Variants in SREBF2 observed in about 807,000 individuals in gnomAD.
The protein encoded by SREBF2 is sterol regulatory element binding transcription factor 2.
A neutral mutation model predicts 113.1 loss-of-function variants in SREBF2; 55 were observed. The observed-to-expected ratio is 0.49, with a 90% CI of 0.39 to 0.61. The LOEUF is 0.61. Ranked by LOEUF, SREBF2 falls within the 20% of genes least tolerant of loss-of-function variation. The pLI, the probability that SREBF2 is intolerant of heterozygous loss-of-function variation, is 0.00. For missense variants in SREBF2, 1,349 were observed against 1,487.4 expected, an observed-to-expected ratio of 0.91 and a Z score of 1.53; for synonymous variants, 593 against 605.7, an observed-to-expected ratio of 0.98 and a Z score of 0.31.
intron 1 of SREBF2, among the ~76,000 whole-genome samples, chr22:41,841,064 A>C (rs2076826269): frequency 6.6e-6 from 1 of 152,164 alleles, no homozygotes. Context: ...AAAGCACCTC[A>C]AGTTCAGTCT....
intron 1 of SREBF2, among the ~76,000 whole-genome samples, chr22:41,840,453 TC>T (rs2076818967): frequency 6.6e-6 from 1 of 152,178 alleles, no homozygotes; most frequent in Admixed American, 6.5e-5. Context: ...CTTTCCCAGT[TC>T]TTGATTTTTA....
At chr22:41,861,853 G>A (rs987208228) in intron 1 of SREBF2, among the ~76,000 whole-genome samples, 2 of 152,014 alleles carry the variant, frequency 1.3e-5, no homozygotes, top group African/African-American at 2.4e-5. Context: ...AACCCAGGAG[G>A]TGGAGGTTGC....
intron 1 of SREBF2, among the ~76,000 whole-genome samples, chr22:41,863,382 G>A (rs1447793511): frequency 6.6e-6 from 1 of 152,334 alleles, no homozygotes; most frequent in Non-Finnish European, 1.5e-5. Context: ...CGGCCAGTGT[G>A]TGATATTCTT....
intron 1 of SREBF2, among the ~76,000 whole-genome samples, chr22:41,861,995 T>C (rs946177932): frequency 6.6e-6 from 1 of 152,154 alleles, no homozygotes; most frequent in African/African-American, 2.4e-5. Flanking sequence ...ATAAATGACC[T>C]TTGTAAACTA....
chr22:41,891,549 A>ACT (rs2077363150), intron 11 of SREBF2: 1 of 152,174 alleles, frequency 6.6e-6, no homozygotes, highest in African/African-American at 2.4e-5. Flanking sequence ...CTCGAGTGGC[A>ACT]CTCTGACAGT....
intron 17 of SREBF2, among the ~76,000 whole-genome samples, chr22:41,903,680 T>C (rs1185725228): frequency 1.3e-5 from 2 of 152,256 alleles, no homozygotes; most frequent in Non-Finnish European, 2.9e-5. Context: ...TTATTTGTAT[T>C]GCTATATAAT....
At chr22:41,884,222 G>A (rs763777782) in intron 10 of SREBF2, among the ~76,000 whole-genome samples, 1 of 152,106 alleles carries the variant, frequency 6.6e-6, no homozygotes, top group African/African-American at 2.4e-5. Flanking sequence ...TGCAACCTCC[G>A]CATCGCAGGC....
At chr22:41,868,841 TG>T in intron 3 of SREBF2, 49 bp downstream of exon 3, 1 of 1,560,816 alleles carries the variant, frequency 6.4e-7, no homozygotes, top group Non-Finnish European at 8.7e-7. Context: ...GGCTGTTAAC[TG>T]GTCCTTGGTT....
intron 1 of SREBF2, among the ~76,000 whole-genome samples, chr22:41,864,104 C>T (rs1341010820): frequency 6.7e-6 from 1 of 149,874 alleles, no homozygotes; most frequent in Admixed American, 6.7e-5. Context: ...GTCTCGAACT[C>T]CTGACTTCAG....
At position 41,893,225 on chromosome 22, in the gene SREBF2, C is replaced by A; in HGVS notation, c.2317C>A (p.Arg773=). ...CCTGGGCCAGAAGTTTTTCATGGAG[C>A]GGAGCTGGTCTGTGAAGTCAGCTGC... ...HPLGQKFFME[R]SWSVKSAAKE... is the part of the protein sequence containing the mutation. Residue 773 remains arginine (R), a synonymous_variant, in exon 12 of 19, where the codon CGG becomes AGG. Coordinates refer to ENST00000361204, the MANE Select transcript of SREBF2 (RefSeq NM_004599.4). The A allele has an allele frequency of 6.2e-7, 1 of 1,614,148 alleles. No homozygotes were observed.
At position 41,891,595 on chromosome 22, in the gene SREBF2, C is replaced by A. The variant is rs560946754; in HGVS notation, c.2209-1522C>A. On this transcript the variant is annotated intron_variant, in intron 11 of 18. Coordinates refer to ENST00000361204, the MANE Select transcript of SREBF2 (RefSeq NM_004599.4). ...ACCCTGGCATTCAAGTCTTCTGAAG[C>A]CGTTACATTCGCTGATGGCTACTTA... Among the ~76,000 whole-genome samples the A allele has an allele frequency of 1.5e-4, 23 of 152,306 alleles. No homozygotes were observed. The South Asian group carries it at 2.1e-3, about 14-fold the overall frequency.
rs2076738371 is a variant in SREBF2 at position 41,833,626 on chromosome 22, G to C, written c.88+268G>C. The C allele has an allele frequency of 8.0e-6, 3 of 375,508 alleles. No individual in the cohort carries two copies. Among genetic ancestry groups the C allele is most frequent in the African/African-American group, 2.1e-5 (1 of 46,884 alleles). 23.3% of individuals were successfully genotyped at this position (375,508 alleles called of 1,614,324 possible). A position where few individuals can be genotyped will look rare whatever the true frequency, so the allele number is the denominator to read the frequency against. On this transcript the variant is annotated intron_variant, in intron 1 of 18. Coordinates refer to ENST00000361204, the MANE Select transcript of SREBF2 (RefSeq NM_004599.4). This position sits in a 1 kb window ranked among gnomAD's most constrained non-coding sequence, Gnocchi z 4.1. ...TCGCGGGTTCCAGAGCGCGGGGCTAGGGACGTCGCGGGGGCGTCTCAGGGA... is the reference window on the plus strand; with the variant it reads ...TCGCGGGTTCCAGAGCGCGGGGCTACGGACGTCGCGGGGGCGTCTCAGGGA...
In SREBF2 at chr22:41,905,657, C is replaced by T. The variant is rs770578220; in HGVS notation, c.3423C>T (p.Ser1141=). Residue 1141 remains serine (S), a synonymous_variant, in exon 19 of 19, where the codon TCC becomes TCT. Transcript: ENST00000361204. ...GTGGTGGCACTGCCATTGCCGCCTCCTGACCACCAGGCTCAGCCCACCCCT... is the reference window on the plus strand; with the variant it reads ...GTGGTGGCACTGCCATTGCCGCCTCTTGACCACCAGGCTCAGCCCACCCCT... ...KLGGGTAIAA[S] is the part of the protein sequence containing the mutation. 3 of 1,578,316 alleles carry T rather than the reference C, an allele frequency of 1.9e-6. No homozygotes were observed. The highest frequency in any genetic ancestry group is 2.3e-5 in the South Asian group (2 of 86,122).
At chr22:41,894,671 GTT>G in intron 12 of SREBF2, 147 bp from the exon 13 acceptor site, 1 of 782,922 alleles carries the variant, frequency 1.3e-6, no homozygotes, top group South Asian at 1.4e-5. Context: ...TCCTCCAACT[GTT>G]TAGCACAGTA....
chr22:41,900,122 G>A, intron 15 of SREBF2: 1 of 1,457,762 alleles, frequency 6.9e-7, no homozygotes, highest in Middle Eastern at 2.5e-4. Flanking sequence ...ATTGAATGAA[G>A]GTGCTAAAGG....
Position 41,893,132 on chromosome 22 carries a change from C to G in SREBF2, c.2224C>G (p.Arg742Gly), listed in dbSNP as rs780812999. 2 of 1,613,784 alleles carry G rather than the reference C, an allele frequency of 1.2e-6. No individual in the cohort carries two copies. The highest frequency in any genetic ancestry group is 2.2e-5 in the South Asian group (2 of 91,060). ...LGFLASYFLS[R>G]AQSLCGPEHS... Reference sequence around the variant, plus strand: ...CCTTCCACAGAGCTACTTCCTCAGCCGAGCCCAGAGCCTGTGTGGCCCCGA... The same window carrying G: ...CCTTCCACAGAGCTACTTCCTCAGCGGAGCCCAGAGCCTGTGTGGCCCCGA... Residue 742 changes from arginine to glycine, a missense_variant, in exon 12 of 19, where the codon CGA becomes GGA. Coordinates refer to ENST00000361204, the MANE Select transcript of SREBF2 (RefSeq NM_004599.4).
chr22:41,868,931 GA>G lies in SREBF2; in HGVS notation c.720+140del, dbSNP rs2077113411. ...TTGTAGGGCGCCAGGATGCACCTGTGAGCAGCGTATAGTGACCTGGCTGAGT... is the reference window on the plus strand; with the variant it reads ...TTGTAGGGCGCCAGGATGCACCTGTGGCAGCGTATAGTGACCTGGCTGAGT... On this transcript the variant is annotated intron_variant, in intron 3 of 18. Transcript: ENST00000361204. The G allele has an allele frequency of 2.7e-6, 3 of 1,096,458 alleles. No homozygotes were observed. The African/African-American group carries it at 4.7e-5, about 17-fold the overall frequency. The allele number at this position is 1,096,458 out of a possible 1,614,324, so 67.9% of individuals were successfully genotyped here. A position where few individuals can be genotyped will look rare whatever the true frequency, so the allele number is the denominator to read the frequency against.
intron 12 of SREBF2, among the ~76,000 whole-genome samples, chr22:41,894,140 T>C (rs1276509790): frequency 6.6e-6 from 1 of 152,216 alleles, no homozygotes; most frequent in Non-Finnish European, 1.5e-5. Context: ...GGCTTTGTCA[T>C]CTCTGGCAGT....
rs2077185091 is a variant in SREBF2, at chr22:41,875,342, CA to C, written c.1097del (p.Lys366SerfsTer5). On this transcript the variant is annotated frameshift_variant, in exon 6 of 19. Transcript: ENST00000361204. LOFTEE classifies it high-confidence loss of function. The stretch of plus-strand genomic sequence containing the variant: ...TCACTCATCTTCCTACCCAGATGCA[CA>C]AGTCTGGCGTTCTGAGGAAGGCCAT... ...LVMGTDAKMHKSGVLRKAIDY... is the reference protein window; with the variant it reads ...LVMGTDAKMHXSGVLRKAIDY... 3 of 1,613,738 alleles carry C rather than the reference CA, an allele frequency of 1.9e-6. No individual in the cohort carries two copies. The highest frequency in any genetic ancestry group is 2.5e-6 in the Non-Finnish European group (3 of 1,179,722).
Sources: gnomAD v4.1 joint callset for allele counts (sites outside exome capture counted in the v4.1 genomes callset) on GRCh38, gnomAD v4.1.1 for gene constraint, Gnocchi (gnomAD v3.1) non-coding constraint, MANE v1.5 for transcripts, NCBI Gene and HGNC (gene_info 2026-07-23, HGNC 2026-07-21) for gene names.